Variants in LOC400499 observed in about 807,000 individuals in gnomAD.
the LOC400499 span, among the ~76,000 whole-genome samples, chr16:11,519,725 G>A: frequency 2.7e-5 from 4 of 146,174 alleles, no homozygotes; most frequent in African/African-American, 1.0e-4. Flanking sequence ...TTTTTTTTGA[G>A]ATGGAGTTTT....
the LOC400499 span, among the ~76,000 whole-genome samples, chr16:11,479,610 G>C: frequency 6.6e-6 from 1 of 152,070 alleles, no homozygotes; most frequent in Non-Finnish European, 1.5e-5. Flanking sequence ...ACAACAGACA[G>C]AGCAAGACCC....
chr16:11,506,586 G>A, the LOC400499 span, among the ~76,000 whole-genome samples: 1 of 152,146 alleles, frequency 6.6e-6, no homozygotes, highest in African/African-American at 2.4e-5. Flanking sequence ...GGCTCCGTCT[G>A]TCTGTCCCCT....
the LOC400499 span, among the ~76,000 whole-genome samples, chr16:11,375,799 G>A: frequency 0.09 from 12,538 of 139,650 alleles, 685 homozygotes; most frequent in Non-Finnish European, 0.13. Context: ...GTGCAATCTC[G>A]GCTCACCGCA....
chr16:11,525,071 C>T, the LOC400499 span, among the ~76,000 whole-genome samples: 2 of 152,054 alleles, frequency 1.3e-5, no homozygotes, highest in Non-Finnish European at 2.9e-5. Flanking sequence ...ATGGCTTGAG[C>T]TCAGGAGTTC....
At chr16:11,404,126 C>G in the LOC400499 span, among the ~76,000 whole-genome samples, 1 of 152,196 alleles carries the variant, frequency 6.6e-6, no homozygotes. Flanking sequence ...TCACCTCCTC[C>G]AAGAGGCCTT....
chr16:11,492,698 T>C, the LOC400499 span, among the ~76,000 whole-genome samples: 373 of 151,046 alleles, frequency 2.5e-3, 1 homozygote, highest in African/African-American at 8.3e-3. Flanking sequence ...GGCAGGAGAA[T>C]GGCGTGAACC....
chr16:11,447,084 T>A, the LOC400499 span, among the ~76,000 whole-genome samples: 1 of 152,160 alleles, frequency 6.6e-6, no homozygotes, highest in Non-Finnish European at 1.5e-5. Context: ...CAATGTGGCA[T>A]CCAGAACCCT....
At chr16:11,462,704 T>C in the LOC400499 span, among the ~76,000 whole-genome samples, 1 of 152,214 alleles carries the variant, frequency 6.6e-6, no homozygotes, top group Admixed American at 6.5e-5. Context: ...ATTACAGGCA[T>C]GAACTACTGT....
the LOC400499 span, among the ~76,000 whole-genome samples, chr16:11,429,833 A>T: frequency 6.6e-6 from 1 of 152,168 alleles, no homozygotes; most frequent in African/African-American, 2.4e-5. Flanking sequence ...GGCAATCATC[A>T]TAACAGTAAC....
At chr16:11,449,615 G>C in the LOC400499 span, among the ~76,000 whole-genome samples, 1 of 152,220 alleles carries the variant, frequency 6.6e-6, no homozygotes, top group Non-Finnish European at 1.5e-5. Flanking sequence ...ACACAACTCA[G>C]GGGTCTCACC....
At chr16:11,448,806 C>T in the LOC400499 span, 1 of 844,740 alleles carries the variant, frequency 1.2e-6, no homozygotes. Flanking sequence ...CCCAAGGTCA[C>T]AGGCCAAGCC....
At chr16:11,462,406 C>G in the LOC400499 span, 2 of 1,368,634 alleles carry the variant, frequency 1.5e-6, no homozygotes, top group East Asian at 5.6e-5. Flanking sequence ...ACATCGCTAA[C>G]AACCTTCTAC....
At chr16:11,382,577 T>C in the LOC400499 span, among the ~76,000 whole-genome samples, 1 of 151,710 alleles carries the variant, frequency 6.6e-6, no homozygotes, top group African/African-American at 2.4e-5. Context: ...ATCTGCTGTG[T>C]TGATGATTAT....
chr16:11,409,174 T>C, the LOC400499 span, among the ~76,000 whole-genome samples: 112 of 151,934 alleles, frequency 7.4e-4, no homozygotes, highest in African/African-American at 2.5e-3. Flanking sequence ...GGCAGGAGAA[T>C]TGCATAAGCC....
At chr16:11,463,096 G>A in the LOC400499 span, among the ~76,000 whole-genome samples, 3 of 152,208 alleles carry the variant, frequency 2.0e-5, no homozygotes, top group Non-Finnish European at 4.4e-5. Context: ...TTTCTCTGCT[G>A]GTCAGTGGTG....
chr16:11,423,905 C>G, the LOC400499 span, among the ~76,000 whole-genome samples: 1 of 152,204 alleles, frequency 6.6e-6, no homozygotes, highest in East Asian at 1.9e-4. Context: ...CCCCGAGAGG[C>G]CATGGTGCAG....
At chr16:11,399,137 G>C in the LOC400499 span, 1 of 837,760 alleles carries the variant, frequency 1.2e-6, no homozygotes, top group Non-Finnish European at 1.4e-6. Context: ...GATGCTGGAG[G>C]AGACCAGACC....
the LOC400499 span, among the ~76,000 whole-genome samples, chr16:11,378,034 C>T: frequency 1.3e-5 from 2 of 152,020 alleles, no homozygotes; most frequent in Admixed American, 6.6e-5. Flanking sequence ...TATTTCATTC[C>T]TTCTCCTATC....
chr16:11,492,159 C>G, the LOC400499 span, among the ~76,000 whole-genome samples: 1 of 152,144 alleles, frequency 6.6e-6, no homozygotes, highest in Non-Finnish European at 1.5e-5. Flanking sequence ...ACACAGGAGG[C>G]CTTTAAATGT....
Sources: allele counts gnomAD v4.1 joint callset (sites outside exome capture counted in the v4.1 genomes callset), GRCh38; gene constraint gnomAD v4.1.1; transcripts MANE v1.5.